DMD: variants seen among roughly 807,000 people sequenced by gnomAD.
DMD encodes dystrophin.
A neutral mutation model predicts 330.1 loss-of-function variants in DMD; 63 were observed. The observed-to-expected ratio is 0.19, with a 90% CI of 0.16 to 0.24. The LOEUF is 0.24. Ranked by LOEUF, DMD falls within the 10% of genes least tolerant of loss-of-function variation. The pLI is 1.00. For synonymous variants in DMD, 1,223 were observed against 959.8 expected (o/e 1.27, Z -5.07); for missense variants, 3,344 against 2,684.1 (o/e 1.25, Z -5.43).
At chrX:31,394,808 A>T (rs960962386) in intron 60 of DMD, among the ~76,000 whole-genome samples, 23 of 111,607 alleles carry the variant, frequency 2.1e-4, no homozygotes, top group African/African-American at 5.5e-4. Flanking sequence ...AAAATTTTTT[A>T]AAGTTGATAT....
chrX:33,235,716 A>G (rs1164911352), intron 1 of DMD, among the ~76,000 whole-genome samples: 1 of 109,798 alleles, frequency 9.1e-6, no homozygotes, highest in Non-Finnish European at 1.9e-5. Context: ...AGTCAATGGT[A>G]GATTTAATCC....
chrX:33,117,455 A>T (rs1305384745), intron 1 of DMD, among the ~76,000 whole-genome samples: 1 of 111,933 alleles, frequency 8.9e-6, no homozygotes, highest in East Asian at 2.8e-4. Context: ...ATATGTATCA[A>T]ATCATCATAT....
At chrX:31,164,353 C>A (rs1038349816) in intron 74 of DMD, among the ~76,000 whole-genome samples, 3 of 111,571 alleles carry the variant, frequency 2.7e-5, no homozygotes, top group Non-Finnish European at 5.6e-5. Flanking sequence ...TCGACCTCTT[C>A]CATACCTCAT....
intron 7 of DMD, among the ~76,000 whole-genome samples, chrX:32,785,934 TCTATA>T (rs960802179): frequency 9.0e-6 from 1 of 111,162 alleles, no homozygotes; most frequent in Non-Finnish European, 1.9e-5. Context: ...TCGTTATTTT[TCTATA>T]CTAGTTTTTT....
chrX:32,338,455 T>C (rs1410250959), intron 41 of DMD, among the ~76,000 whole-genome samples: 1 of 111,511 alleles, frequency 9.0e-6, no homozygotes, highest in Non-Finnish European at 1.9e-5. Context: ...TTTCCAGACT[T>C]TGTTTTTTCA....
chrX:33,149,599 A>G (rs2048184639), intron 1 of DMD, among the ~76,000 whole-genome samples: 1 of 111,440 alleles, frequency 9.0e-6, no homozygotes, highest in African/African-American at 3.3e-5. Context: ...CTTTTGTATC[A>G]TTCACTCTAG....
chrX:32,168,385 GC>G (rs1265584613), intron 44 of DMD, among the ~76,000 whole-genome samples: 1 of 110,370 alleles, frequency 9.1e-6, no homozygotes, highest in Non-Finnish European at 1.9e-5. Context: ...GCTGATATCT[GC>G]TTTCAGCCTT....
At chrX:32,384,283 G>A (rs776558846) in intron 33 of DMD, among the ~76,000 whole-genome samples, 2 of 109,961 alleles carry the variant, frequency 1.8e-5, no homozygotes, top group South Asian at 3.8e-4. Context: ...GATAAGCACC[G>A]GAATAAGGTA....
intron 1 of DMD, among the ~76,000 whole-genome samples, chrX:33,297,237 CTT>C (rs1360984512): frequency 9.0e-6 from 1 of 111,047 alleles, no homozygotes; most frequent in African/African-American, 3.3e-5. Context: ...TAAAAATAGA[CTT>C]TGATAGTAGA....
In DMD at chrX:31,929,526, A is replaced by G. The variant is rs901123193; in HGVS notation, c.6912+70T>C. On this transcript the variant is annotated intron_variant, in intron 47 of 78. Coordinates refer to ENST00000357033, the MANE Select transcript of DMD (RefSeq NM_004006.3). ...CTCCTCCCCGACCAATGAAGCACCC[A>G]GGAAACAAAATACATACAAATACTT... 4.0e-5 allele frequency: 47 copies of G among 1,163,347 alleles called. No homozygotes were observed. The Admixed American group carries it at 9.9e-4, about 24-fold the overall frequency.
chrX:33,208,244 T>A (rs1434999142), intron 1 of DMD, among the ~76,000 whole-genome samples: 1 of 111,798 alleles, frequency 8.9e-6, no homozygotes, highest in African/African-American at 3.2e-5. Flanking sequence ...AACTCTCTAA[T>A]CTGCATTAAA....
At chrX:31,951,159 G>GTATGTA (rs1557025629) in intron 45 of DMD, among the ~76,000 whole-genome samples, 25 of 71,701 alleles carry the variant, frequency 3.5e-4, no homozygotes, top group African/African-American at 1.3e-3. Flanking sequence ...ATATATATAT[G>GTATGTA]TATATATATA....
At chrX:32,436,004 G>A (rs1224511864) in intron 29 of DMD, among the ~76,000 whole-genome samples, 1 of 111,833 alleles carries the variant, frequency 8.9e-6, no homozygotes, top group Admixed American at 9.5e-5. Context: ...CCCACCATAG[G>A]CTACTTCCCT....
At chrX:32,937,028 G>A (rs1255077164) in intron 2 of DMD, among the ~76,000 whole-genome samples, 4 of 111,516 alleles carry the variant, frequency 3.6e-5, no homozygotes, top group Non-Finnish European at 7.5e-5. Flanking sequence ...CAGAGTCCCG[G>A]TAGAAACTGG....
At chrX:32,095,181 C>T (rs2096497314) in intron 44 of DMD, among the ~76,000 whole-genome samples, 1 of 111,389 alleles carries the variant, frequency 9.0e-6, no homozygotes, top group Admixed American at 9.6e-5. Context: ...TAATAGGGCC[C>T]TGTCTTTTTG....
rs193014447 is a variant in DMD at position 32,219,705 on chromosome X, C to G, written c.6291-2642G>C. On this transcript the variant is annotated intron_variant, in intron 43 of 78. Coordinates refer to ENST00000357033, the MANE Select transcript of DMD (RefSeq NM_004006.3). ...CTCCACTCTTGGTTTGCTGTTTTTC[C>G]TACCCAATCACTTGAACTATACTTT... is the stretch of plus-strand genomic sequence containing the variant. 5.4e-3 allele frequency among the ~76,000 whole-genome samples: 595 copies of G among 110,973 alleles called. 2 individuals carry two copies. Among genetic ancestry groups the G allele is most frequent in the Non-Finnish European group, 8.0e-3 (425 of 52,957 alleles).
chrX:31,248,523 G>T (rs1429864746), intron 63 of DMD, among the ~76,000 whole-genome samples: 1 of 111,935 alleles, frequency 8.9e-6, no homozygotes, highest in Non-Finnish European at 1.9e-5. Flanking sequence ...AAACTCCTAT[G>T]AAAGCTTTTT....
chrX:32,484,913 A>T lies in DMD; in HGVS notation c.2803+6T>A. ...TCAAGTTAGCCATTTTAGGCTTTTT[A>T]CTTACTTGTCTGTAGCTCTTTCTCT... is the stretch of plus-strand genomic sequence containing the variant. On this transcript the variant is annotated splice_donor_region_variant and intron_variant, in intron 21 of 78. Transcript: ENST00000357033. 8.3e-7 allele frequency: 1 copy of T among 1,210,303 alleles called. No homozygotes were observed. Among genetic ancestry groups the T allele is most frequent in the East Asian group, 3.0e-5 (1 of 33,798 alleles).
chrX:31,136,507 T>A (rs1410162188), intron 76 of DMD, among the ~76,000 whole-genome samples: 1 of 112,077 alleles, frequency 8.9e-6, no homozygotes, highest in Admixed American at 9.4e-5. Flanking sequence ...CTGGGAAACA[T>A]GAGGCATTTT....
Sources: gnomAD v4.1 joint callset for allele counts (sites outside exome capture counted in the v4.1 genomes callset) on GRCh38, gnomAD v4.1.1 for gene constraint, MANE v1.5 for transcripts, NCBI Gene and HGNC (gene_info 2026-07-23, HGNC 2026-07-21) for gene names.